Variants in OSBPL6 observed in about 807,000 individuals in gnomAD.
OSBPL6 encodes oxysterol-binding protein-related protein 6.
A neutral mutation model predicts 125.8 loss-of-function variants in OSBPL6; 49 were observed. The observed-to-expected ratio is 0.39, with a 90% CI of 0.31 to 0.49. The LOEUF (loss-of-function observed/expected upper bound fraction) is 0.49, where lower values mean the gene tolerates loss of function less well. OSBPL6 is among the 20% of genes least tolerant of loss of function. The pLI is 0.88. For missense variants in OSBPL6, 986 were observed against 1,135.4 expected (o/e 0.87, Z 1.89); for synonymous variants, 394 against 391.8 (o/e 1.01, Z -0.07).
At chr2:178,344,477 C>A in intron 11 of OSBPL6, 2 of 917,370 alleles carry the variant, frequency 2.2e-6, no homozygotes, top group Non-Finnish European at 3.4e-6. Context: ...GTAGCCCAAT[C>A]ATGGCAGCAT....
intron 13 of OSBPL6, among the ~76,000 whole-genome samples, chr2:178,366,557 G>A (rs1002916510): frequency 4.6e-5 from 7 of 152,266 alleles, no homozygotes; most frequent in Non-Finnish European, 8.8e-5. Flanking sequence ...GAACTGACAC[G>A]GTGCTTCAGA....
chr2:178,281,870 G>A (rs760721881), intron 1 of OSBPL6, among the ~76,000 whole-genome samples: 5 of 152,088 alleles, frequency 3.3e-5, no homozygotes, highest in Non-Finnish European at 5.9e-5. Context: ...CCTAGGTGAC[G>A]GGTTGATAGG....
intron 2 of OSBPL6, among the ~76,000 whole-genome samples, chr2:178,298,476 T>A (rs945360406): frequency 1.3e-5 from 2 of 152,182 alleles, no homozygotes; most frequent in African/African-American, 4.8e-5. Context: ...CAGGCTGGAG[T>A]GCAGTGGCAC....
chr2:178,221,836 A>C (rs1402305574), intron 1 of OSBPL6, among the ~76,000 whole-genome samples: 1 of 152,220 alleles, frequency 6.6e-6, no homozygotes, highest in Non-Finnish European at 1.5e-5. Context: ...GGCAGGTATA[A>C]ATCAATGGCT....
chr2:178,212,216 G>A (rs937052239), intron 1 of OSBPL6, among the ~76,000 whole-genome samples: 4 of 152,156 alleles, frequency 2.6e-5, no homozygotes, highest in African/African-American at 9.7e-5. Context: ...TCATGCTAAT[G>A]GGGAGGATTA....
intron 12 of OSBPL6, among the ~76,000 whole-genome samples, chr2:178,352,208 G>T (rs1411668519): frequency 6.6e-6 from 1 of 152,170 alleles, no homozygotes; most frequent in Non-Finnish European, 1.5e-5. Flanking sequence ...TCCAACTGAG[G>T]TACGTGGTTC....
intron 1 of OSBPL6, among the ~76,000 whole-genome samples, chr2:178,265,121 G>A (rs2092188473): frequency 7.2e-6 from 1 of 139,442 alleles, no homozygotes; most frequent in African/African-American, 2.7e-5. Context: ...GTCTCAAGCA[G>A]TCCTCCTGCC....
At chr2:178,345,994 AC>A (rs1200498596) in intron 11 of OSBPL6, among the ~76,000 whole-genome samples, 2 of 152,054 alleles carry the variant, frequency 1.3e-5, no homozygotes, top group Admixed American at 6.5e-5. Context: ...TACGAGAAAA[AC>A]TTTGCAGCAT....
At position 178,366,340 on chromosome 2, in the gene OSBPL6, T is replaced by C. The variant is rs6718181; in HGVS notation, c.1287+4525T>C. Among the ~76,000 whole-genome samples, 1,153 of 152,352 alleles carry C rather than the reference T, an allele frequency of 7.6e-3. 18 individuals carry two copies. Among genetic ancestry groups the C allele is most frequent in the African/African-American group, 0.027 (1,104 of 41,584 alleles). ...AATACATTACATTTTATCACTGTTA[T>C]TAGTTTGATTCCTGGCCCCAGAAAT... On this transcript the variant is annotated intron_variant, in intron 13 of 24. Transcript: ENST00000190611.
chr2:178,316,126 T>C (rs573740524), intron 3 of OSBPL6, among the ~76,000 whole-genome samples: 1 of 152,254 alleles, frequency 6.6e-6, no homozygotes, highest in South Asian at 2.1e-4. Context: ...AACTCCCAAT[T>C]AAGAGCTGAT....
chr2:178,240,544 G>A (rs2091248138), intron 1 of OSBPL6, among the ~76,000 whole-genome samples: 1 of 152,030 alleles, frequency 6.6e-6, no homozygotes, highest in Admixed American at 6.6e-5. Flanking sequence ...CTGCATTCTG[G>A]GCGTCTCAAA....
chr2:178,374,135 G>C, intron 15 of OSBPL6, 108 bp downstream of exon 15: 1 of 1,346,148 alleles, frequency 7.4e-7, no homozygotes. Flanking sequence ...TTGTTTTTTT[G>C]TTTACATCAT....
At position 178,299,258 on chromosome 2, in the gene OSBPL6, C is replaced by T. The variant is rs563045862; in HGVS notation, c.-155-6772C>T. Among the ~76,000 whole-genome samples the T allele has an allele frequency of 7.9e-5, 12 of 152,236 alleles. No homozygotes were observed. The East Asian group carries it at 1.9e-3, about 24-fold the overall frequency. On this transcript the variant is annotated intron_variant, in intron 2 of 24. Coordinates refer to ENST00000190611, the MANE Select transcript of OSBPL6 (RefSeq NM_032523.4). ...AAGGTTTTTCCATGTCTTTTCATGG[C>T]CTTGATAGCTCATATCTTTTTTGCA...
intron 15 of OSBPL6, among the ~76,000 whole-genome samples, chr2:178,378,994 A>C (rs952751541): frequency 6.6e-6 from 1 of 151,808 alleles, no homozygotes; most frequent in Non-Finnish European, 1.5e-5. Context: ...GGGAGCCCCC[A>C]CCTCTACAAA....
At chr2:178,370,138 A>G (rs986757286) in intron 13 of OSBPL6, among the ~76,000 whole-genome samples, 2 of 152,032 alleles carry the variant, frequency 1.3e-5, no homozygotes, top group Non-Finnish European at 2.9e-5. Flanking sequence ...GGTGGTGCAT[A>G]CCTGTAATCC....
chr2:178,268,200 G>A (rs1388609809), intron 1 of OSBPL6, among the ~76,000 whole-genome samples: 1 of 151,452 alleles, frequency 6.6e-6, no homozygotes, highest in Non-Finnish European at 1.5e-5. Flanking sequence ...TTCTGCCTCA[G>A]TCTCCCAAGT....
intron 2 of OSBPL6, among the ~76,000 whole-genome samples, chr2:178,303,893 G>T (rs1686513927): frequency 6.6e-6 from 1 of 151,842 alleles, no homozygotes; most frequent in African/African-American, 2.4e-5. Flanking sequence ...TCCCCACTTG[G>T]AGTCTCCCCA....
intron 1 of OSBPL6, among the ~76,000 whole-genome samples, chr2:178,268,013 AT>A (rs928326342): frequency 2.0e-5 from 3 of 152,128 alleles, no homozygotes; most frequent in African/African-American, 7.2e-5. Context: ...TACTGAGTGA[AT>A]GACTGATTCA....
Position 178,211,330 on chromosome 2 carries a change from G to A in OSBPL6, c.-351+16656G>A, listed in dbSNP as rs142929951. Reference sequence around the variant, plus strand: ...AGTCAAGGAGGTCCTGAACCACTCAGTTAATCCTAAAACCCCTGTATGCAA... The same window carrying A: ...AGTCAAGGAGGTCCTGAACCACTCAATTAATCCTAAAACCCCTGTATGCAA... On this transcript the variant is annotated intron_variant, in intron 1 of 24. Transcript: ENST00000190611. 9.9e-3 allele frequency among the ~76,000 whole-genome samples: 1,510 copies of A among 152,280 alleles called. 24 individuals are homozygous for A. The highest frequency in any genetic ancestry group is 0.033 in the African/African-American group (1,366 of 41,552).
Sources: allele counts gnomAD v4.1 joint callset (sites outside exome capture counted in the v4.1 genomes callset), GRCh38; gene constraint gnomAD v4.1.1; transcripts MANE v1.5; gene names NCBI Gene and HGNC (gene_info 2026-07-23, HGNC 2026-07-21).